Variants in LNP1 observed in about 807,000 individuals in gnomAD.
LNP1 encodes leukemia NUP98 fusion partner 1.
A neutral mutation model predicts 14.5 loss-of-function variants in LNP1; 12 were observed. The observed-to-expected ratio is 0.83, with a 90% CI of 0.53 to 1.34. The LOEUF is 1.34. LNP1 is among the 40% of genes most tolerant of loss of function. The probability of loss-of-function intolerance (pLI) is 0.00; values close to 1 mark genes in which losing one functional copy is unlikely to be tolerated. For missense variants in LNP1, 198 were observed against 210.9 expected, an observed-to-expected ratio of 0.94 and a Z score of 0.38; for synonymous variants, 75 against 71.4, an observed-to-expected ratio of 1.05 and a Z score of -0.26.
intron 2 of LNP1, among the ~76,000 whole-genome samples, chr3:100,437,451 C>A (rs1707303176): frequency 6.6e-6 from 1 of 152,126 alleles, no homozygotes; most frequent in Non-Finnish European, 1.5e-5. Context: ...CAAGCAGGGT[C>A]TGTTCATTTC....
chr3:100,421,021 C>A (rs1707139414), intron 1 of LNP1, among the ~76,000 whole-genome samples: 1 of 151,806 alleles, frequency 6.6e-6, no homozygotes, highest in Admixed American at 6.6e-5. Context: ...CTCTGTTTCC[C>A]AGGCTGGAGT....
chr3:100,450,614 G>A (rs1707428706), intron 2 of LNP1, among the ~76,000 whole-genome samples: 1 of 152,156 alleles, frequency 6.6e-6, no homozygotes. Context: ...TGGGATTACA[G>A]GCATGAGCCA....
intron 3 of LNP1, 48 bp downstream of exon 3, chr3:100,451,997 C>A: frequency 7.6e-7 from 1 of 1,315,982 alleles, no homozygotes; most frequent in Non-Finnish European, 1.1e-6. Context: ...AAAAAGGAAA[C>A]CCAAAGGTTT....
chr3:100,421,623 T>C (rs1437442266), intron 1 of LNP1, among the ~76,000 whole-genome samples: 1 of 152,322 alleles, frequency 6.6e-6, no homozygotes, highest in African/African-American at 2.4e-5. Context: ...TTCCACATCT[T>C]ACAAGTTTTT....
At chr3:100,429,989 T>TA in intron 2 of LNP1, 104 bp downstream of exon 2, 1 of 1,194,074 alleles carries the variant, frequency 8.4e-7, no homozygotes, top group South Asian at 1.6e-5. Context: ...TTCTTTGGTT[T>TA]AAAACCAGTA....
chr3:100,426,926 G>T (rs1342580620), intron 1 of LNP1, among the ~76,000 whole-genome samples: 3 of 151,950 alleles, frequency 2.0e-5, no homozygotes, highest in East Asian at 3.9e-4. Flanking sequence ...ATATATTCAG[G>T]TGCTATAGAC....
chr3:100,438,310 CT>C (rs1393906190), intron 2 of LNP1, among the ~76,000 whole-genome samples: 3 of 152,140 alleles, frequency 2.0e-5, no homozygotes. Flanking sequence ...AAACAACTTT[CT>C]TTTTTTGGAT....
chr3:100,429,574 C>A, intron 1 of LNP1, 123 bp from the exon 2 acceptor site: 1 of 643,632 alleles, frequency 1.6e-6, no homozygotes, highest in East Asian at 2.6e-5. Flanking sequence ...GTAAATCTTT[C>A]TCCTTTAAGG....
At chr3:100,413,994 G>T (rs1009755721) in intron 1 of LNP1, among the ~76,000 whole-genome samples, 5 of 151,738 alleles carry the variant, frequency 3.3e-5, no homozygotes, top group Admixed American at 3.3e-4. Context: ...ATGAAGAAAA[G>T]ACCCAATTTT....
chr3:100,445,653 G>C (rs1707380360), intron 2 of LNP1, among the ~76,000 whole-genome samples: 1 of 152,048 alleles, frequency 6.6e-6, no homozygotes, highest in African/African-American at 2.4e-5. Context: ...ATGACAACTG[G>C]ATCATATCAA....
chr3:100,409,630 T>G, intron 1 of LNP1, among the ~76,000 whole-genome samples: 1 of 144,532 alleles, frequency 6.9e-6, no homozygotes, highest in Non-Finnish European at 1.5e-5. Context: ...TGAGTCTCAC[T>G]CTTATAGCCC....
chr3:100,436,415 A>G (rs1225446220), intron 2 of LNP1, among the ~76,000 whole-genome samples: 1 of 152,102 alleles, frequency 6.6e-6, no homozygotes, highest in Non-Finnish European at 1.5e-5. Flanking sequence ...GGGTCTGTTC[A>G]GTTGATGAGG....
At chr3:100,447,420 G>A (rs539270823) in intron 2 of LNP1, among the ~76,000 whole-genome samples, 1 of 151,918 alleles carries the variant, frequency 6.6e-6, no homozygotes, top group East Asian at 1.9e-4. Context: ...GGACACAGTG[G>A]GGGGAACATC....
At chr3:100,451,183 A>T (rs1035480016) in intron 2 of LNP1, among the ~76,000 whole-genome samples, 1 of 152,226 alleles carries the variant, frequency 6.6e-6, no homozygotes, top group Non-Finnish European at 1.5e-5. Flanking sequence ...AAGGCTGAGA[A>T]TTCATGCCCC....
At chr3:100,423,986 G>T (rs989561698) in intron 1 of LNP1, among the ~76,000 whole-genome samples, 2 of 152,198 alleles carry the variant, frequency 1.3e-5, no homozygotes, top group African/African-American at 2.4e-5. Flanking sequence ...TCCCAGTGCT[G>T]AAAGACTTGA....
chr3:100,437,188 A>C (rs1707300968), intron 2 of LNP1, among the ~76,000 whole-genome samples: 1 of 152,194 alleles, frequency 6.6e-6, no homozygotes, highest in African/African-American at 2.4e-5. Context: ...ACATGACCTA[A>C]TTTAATGTCA....
Position 100,401,921 on chromosome 3 carries a change from G to T in LNP1, c.-552G>T, listed in dbSNP as rs1706912443. The T allele has an allele frequency of 6.6e-6, 1 of 152,192 alleles. No individual in the cohort carries two copies. The allele number at this position is 152,192 out of a possible 1,614,324, so 9.4% of individuals were successfully genotyped here. A position where few individuals can be genotyped will look rare whatever the true frequency, so the allele number is the denominator to read the frequency against. On this transcript the variant is annotated 5_prime_UTR_variant, in exon 1 of 4. Transcript: ENST00000383693. The stretch of plus-strand genomic sequence containing the variant: ...GTTGGTAGAAATGCGAAGCGTCAGG[G>T]TTCCCGCCGGCTTCGAGCCTTTCTT...
chr3:100,450,982 G>A (rs1270403667), intron 2 of LNP1, among the ~76,000 whole-genome samples: 2 of 152,150 alleles, frequency 1.3e-5, no homozygotes, highest in Non-Finnish European at 2.9e-5. Flanking sequence ...CTCTGGAGGG[G>A]GTGGTCTCAG....
At chr3:100,436,538 A>G (rs1454079415) in intron 2 of LNP1, among the ~76,000 whole-genome samples, 1 of 151,828 alleles carries the variant, frequency 6.6e-6, no homozygotes, top group Non-Finnish European at 1.5e-5. Flanking sequence ...CCTCTGTCAG[A>G]GGTGTTGACA....
Sources: allele counts gnomAD v4.1 joint callset (sites outside exome capture counted in the v4.1 genomes callset), GRCh38; gene constraint gnomAD v4.1.1; transcripts MANE v1.5; gene names NCBI Gene and HGNC (gene_info 2026-07-23, HGNC 2026-07-21).